Variants in MYO5A observed in about 807,000 individuals in gnomAD.
MYO5A encodes unconventional myosin-Va.
MYO5A carries 98 observed loss-of-function variants against 249.7 expected under a neutral mutation model. That is an observed-to-expected ratio of 0.39 (90% CI 0.33 to 0.46). MYO5A has a LOEUF of 0.46. MYO5A is among the 20% of genes least tolerant of loss of function. MYO5A has a pLI of 0.98. For missense variants in MYO5A, 1,696 were observed against 2,308.8 expected (o/e 0.73, Z 5.44); for synonymous variants, 778 against 810.6 (o/e 0.96, Z 0.68).
At chr15:52,348,273 T>A (rs2039747714) in intron 29 of MYO5A, among the ~76,000 whole-genome samples, 1 of 150,312 alleles carries the variant, frequency 6.7e-6, no homozygotes, top group Non-Finnish European at 1.5e-5. Flanking sequence ...ATAGGAAAAT[T>A]CCAGCAATAT....
chr15:52,341,179 GGAATTATATTCTACTCCTATTCT>G (rs1384959068), intron 31 of MYO5A, among the ~76,000 whole-genome samples: 1 of 152,002 alleles, frequency 6.6e-6, no homozygotes, highest in East Asian at 1.9e-4. Context: ...CCAGGCAGAG[GGAATTATATTCTACTCCTATTCT>G]GAAAGACAGA....
chr15:52,439,334 C>T (rs571990299), intron 1 of MYO5A, among the ~76,000 whole-genome samples: 13 of 152,310 alleles, frequency 8.5e-5, no homozygotes, highest in African/African-American at 3.1e-4. Context: ...CAGTGATCCC[C>T]GTTTCCTCTT....
At chr15:52,368,318 G>A (rs1360095361) in intron 22 of MYO5A, among the ~76,000 whole-genome samples, 20 of 152,102 alleles carry the variant, frequency 1.3e-4, no homozygotes, top group Admixed American at 1.3e-3. Context: ...AAAAGCCCCA[G>A]CTCTCTGTGG....
chr15:52,408,075 A>T lies in MYO5A; in HGVS notation c.822T>A (p.Phe274Leu). The T allele has an allele frequency of 6.3e-7, 1 of 1,593,688 alleles. No homozygotes were observed. ...TATTCATACCTAATCGTAGCATTTT[A>T]AATTCAGGTAACTTTGCTGAGGCAC... The part of the protein sequence containing the change: ...QLCASAKLPE[F>L]KMLRLGNADN... Residue 274 changes from phenylalanine (F) to leucine (L), a missense_variant, in exon 7 of 42, where the codon TTT (phenylalanine) becomes TTA (leucine). Phe to Leu is a conservative substitution (Grantham distance 22, BLOSUM62 0). This residue lies in a region of MYO5A where 185 missense variants were observed against 204.8 expected (regional missense o/e 0.90). Coordinates refer to ENST00000399233, the MANE Select transcript of MYO5A (RefSeq NM_001382347.1).
rs972555332 is a variant in MYO5A, at chr15:52,313,567, T to C, written c.*129A>G. ...AAAGTATTCTAGGGAGATTTCCAGTTAATGACTTCTCATTTGGGAGATAAT... is the reference window on the plus strand; with the variant it reads ...AAAGTATTCTAGGGAGATTTCCAGTCAATGACTTCTCATTTGGGAGATAAT... On this transcript the variant is annotated 3_prime_UTR_variant, in exon 42 of 42. Transcript: ENST00000399233. 6.9e-5 allele frequency: 82 copies of C among 1,180,572 alleles called. No individual in the cohort carries two copies. Among genetic ancestry groups the C allele is most frequent in the Non-Finnish European group, 9.4e-5 (77 of 816,742 alleles). 73.1% of individuals were successfully genotyped at this position (1,180,572 alleles called of 1,614,324 possible).
chr15:52,487,533 G>C (rs1206965741), intron 1 of MYO5A, among the ~76,000 whole-genome samples: 4 of 152,036 alleles, frequency 2.6e-5, no homozygotes, highest in Non-Finnish European at 2.9e-5. Context: ...AGACCAGCTT[G>C]GACCACATGG....
chr15:52,471,620 C>CACACAT (rs71130163), intron 1 of MYO5A, among the ~76,000 whole-genome samples: 17 of 148,276 alleles, frequency 1.1e-4, no homozygotes, highest in African/African-American at 4.3e-4. Context: ...CACACACACA[C>CACACAT]CCCAAACAAA....
At chr15:52,495,684 T>G (rs1372627343) in intron 1 of MYO5A, among the ~76,000 whole-genome samples, 1 of 152,180 alleles carries the variant, frequency 6.6e-6, no homozygotes, top group Non-Finnish European at 1.5e-5. Flanking sequence ...TTAAAATAAG[T>G]AAATAGATAG....
intron 7 of MYO5A, 136 bp from the exon 8 acceptor site, chr15:52,407,535 A>G (rs2043060615): frequency 3.0e-5 from 14 of 460,840 alleles, no homozygotes; most frequent in Non-Finnish European, 5.0e-5. Flanking sequence ...TGTGTTTTCA[A>G]TTGTATTTTA....
In MYO5A at chr15:52,520,581, T is replaced by C. The variant is rs548748756; in HGVS notation, c.27+8199A>G. ...TCTGAGCCTTGATTCCAGCCATGCCTAGATTTTTAAGTCACATGAGCAAAT... is the reference window on the plus strand; with the variant it reads ...TCTGAGCCTTGATTCCAGCCATGCCCAGATTTTTAAGTCACATGAGCAAAT... On this transcript the variant is annotated intron_variant, in intron 1 of 41. Transcript: ENST00000399233. 2.0e-5 allele frequency among the ~76,000 whole-genome samples: 3 copies of C among 152,320 alleles called. No individual in the cohort carries two copies. The East Asian group carries it at 5.8e-4, about 29-fold the overall frequency.
intron 1 of MYO5A, among the ~76,000 whole-genome samples, chr15:52,524,922 T>G (rs149690967): frequency 2.6e-5 from 4 of 151,066 alleles, no homozygotes; most frequent in Non-Finnish European, 5.9e-5. Context: ...ATCTTGACCA[T>G]CCTATAGCAT....
intron 31 of MYO5A, among the ~76,000 whole-genome samples, chr15:52,340,988 G>GA (rs2039357655): frequency 6.9e-6 from 1 of 144,786 alleles, no homozygotes; most frequent in Admixed American, 6.7e-5. Flanking sequence ...AAATGAGGAT[G>GA]TAAAAAAAAA....
intron 1 of MYO5A, among the ~76,000 whole-genome samples, chr15:52,442,453 C>T (rs569701231): frequency 7.9e-5 from 12 of 152,154 alleles, no homozygotes; most frequent in South Asian, 2.1e-4. Context: ...CTCACTGCAG[C>T]GTCACAGAAA....
At chr15:52,519,040 T>C (rs1165838597) in intron 1 of MYO5A, among the ~76,000 whole-genome samples, 1 of 151,886 alleles carries the variant, frequency 6.6e-6, no homozygotes, top group Admixed American at 6.6e-5. Context: ...AATTAAATAG[T>C]AGGGGGATAA....
intron 4 of MYO5A, among the ~76,000 whole-genome samples, chr15:52,423,942 T>C (rs1308195440): frequency 1.3e-5 from 2 of 152,266 alleles, no homozygotes; most frequent in Non-Finnish European, 2.9e-5. Context: ...TGCTTTTGTA[T>C]TTAAGAATAC....
chr15:52,340,377 A>G lies in MYO5A; in HGVS notation c.4058T>C (p.Leu1353Pro), dbSNP rs1287260116. ...CTCATGGCTCCTCTTCTGTGACTGCAGCTGGGATTCCAGGAGCCTGCGGAG... is the reference window on the plus strand; with the variant it reads ...CTCATGGCTCCTCTTCTGTGACTGCGGCTGGGATTCCAGGAGCCTGCGGAG... ...KQANRLLESQ[L>P]QSQKRSHENE... The change falls in exon 32 of 42, where the codon CTG (leucine) becomes CCG (proline). Residue 1353 changes from leucine (L) to proline (P), a missense_variant. Physicochemically the swap from Leu to Pro is moderately conservative, Grantham distance 98. Coordinates refer to ENST00000399233, the MANE Select transcript of MYO5A (RefSeq NM_001382347.1). 1 of 1,613,056 alleles carries G rather than the reference A, an allele frequency of 6.2e-7. No homozygotes were observed. The highest frequency in any genetic ancestry group is 1.7e-5 in the Admixed American group (1 of 60,008).
chr15:52,445,230 G>C (rs988901342), intron 1 of MYO5A, among the ~76,000 whole-genome samples: 2 of 152,030 alleles, frequency 1.3e-5, no homozygotes, highest in African/African-American at 4.8e-5. Flanking sequence ...CGTGAGATCT[G>C]GGCATTTTAA....
chr15:52,372,174 T>G lies in MYO5A; in HGVS notation c.2767A>C (p.Ile923Leu). 2 of 1,613,738 alleles carry G rather than the reference T, an allele frequency of 1.2e-6. No individual in the cohort carries two copies. Among genetic ancestry groups the G allele is most frequent in the Non-Finnish European group, 8.5e-7 (1 of 1,180,022 alleles). Residue 923 changes from isoleucine to leucine, a missense_variant, in exon 21 of 42, where the codon ATC becomes CTC. By Grantham distance (5) the Ile-to-Leu change is conservative. Transcript: ENST00000399233. ...RSVERYKKLH[I>L]GMENKIMQLQ... ...TGCATGATCTTGTTCTCCATGCCGA[T>G]GTGCAGCTTCTTATAGCGCTCCACT...
intron 3 of MYO5A, among the ~76,000 whole-genome samples, chr15:52,427,335 T>G (rs532640607): frequency 6.6e-6 from 1 of 151,996 alleles, no homozygotes; most frequent in South Asian, 2.1e-4. Context: ...TAAACTCTAG[T>G]GGGAAATTCA....
Sources: allele counts gnomAD v4.1 joint callset (sites outside exome capture counted in the v4.1 genomes callset), GRCh38; gene constraint gnomAD v4.1.1; regional missense constraint gnomAD v4.1.1; transcripts MANE v1.5; gene names NCBI Gene and HGNC (gene_info 2026-07-23, HGNC 2026-07-21).